LIMD1: variants seen among roughly 807,000 people sequenced by gnomAD.
LIMD1 encodes the protein LIM domain-containing protein 1.
Under a neutral mutation model 58.4 loss-of-function variants are expected in LIMD1, and 23 were observed. The observed-to-expected ratio is 0.39, with a 90% CI of 0.28 to 0.56. LIMD1 has a LOEUF of 0.56. Among genes scored for constraint, LIMD1 ranks in the 20% least tolerant of loss-of-function variants. The probability of loss-of-function intolerance (pLI) is 0.57; values close to 1 mark genes in which losing one functional copy is unlikely to be tolerated. For synonymous variants in LIMD1, 334 were observed against 345.5 expected, an observed-to-expected ratio of 0.97 and a Z score of 0.37; for missense variants, 838 against 855.5, an observed-to-expected ratio of 0.98 and a Z score of 0.25.
chr3:45,648,809 A>G (rs1701932396), intron 2 of LIMD1, among the ~76,000 whole-genome samples: 1 of 151,740 alleles, frequency 6.6e-6, no homozygotes, highest in Non-Finnish European at 1.5e-5. Flanking sequence ...TTTGATTTGC[A>G]TTTTCCTGAT....
chr3:45,646,184 C>T (rs1416418969), intron 2 of LIMD1, among the ~76,000 whole-genome samples: 1 of 152,206 alleles, frequency 6.6e-6, no homozygotes, highest in Non-Finnish European at 1.5e-5. Flanking sequence ...AGAGCGGTTG[C>T]CCAGCTGGTG....
intron 7 of LIMD1, among the ~76,000 whole-genome samples, chr3:45,675,030 T>C (rs1156857805): frequency 1.3e-5 from 2 of 152,140 alleles, no homozygotes; most frequent in Non-Finnish European, 2.9e-5. Flanking sequence ...AATTCACCCA[T>C]GGAAGGAGAT....
intron 2 of LIMD1, 24 bp downstream of exon 2, chr3:45,636,275 G>T (rs748839147): frequency 6.4e-5 from 97 of 1,522,068 alleles, no homozygotes; most frequent in African/African-American, 8.3e-5. Context: ...TGGGTGTCGG[G>T]TGTGTGGGGG....
chr3:45,629,211 A>G (rs1473929508), intron 1 of LIMD1, among the ~76,000 whole-genome samples: 1 of 152,070 alleles, frequency 6.6e-6, no homozygotes, highest in African/African-American at 2.4e-5. Flanking sequence ...CAGGAGTTCA[A>G]GACCAGCCTG....
intron 2 of LIMD1, among the ~76,000 whole-genome samples, chr3:45,658,535 CTTTTTT>C (rs10572210): frequency 0.064 from 2,843 of 44,704 alleles, 67 homozygotes; most frequent in Non-Finnish European, 0.094. Context: ...CATGCAGATT[CTTTTTT>C]TTTTTTTTTT....
At position 45,636,252 on chromosome 3, in the gene LIMD1, G is replaced by A. The variant is rs1246102921; in HGVS notation, c.1510+1G>A. On this transcript the variant is annotated splice_donor_variant, in intron 2 of 7. Coordinates refer to ENST00000273317, the MANE Select transcript of LIMD1 (RefSeq NM_014240.3). LOFTEE classifies it high-confidence loss of function. Reference sequence around the variant, plus strand: ...ACATGCTTCACCTGTGCAGCTTGCAGTAAGTGTGGGTGTGGGTGTCGGGTG... The same window carrying A: ...ACATGCTTCACCTGTGCAGCTTGCAATAAGTGTGGGTGTGGGTGTCGGGTG... 2 of 1,601,922 alleles carry A rather than the reference G, an allele frequency of 1.2e-6. No homozygotes were observed. Among genetic ancestry groups the A allele is most frequent in the African/African-American group, 1.3e-5 (1 of 74,482 alleles).
At chr3:45,620,880 A>T (rs1701623047) in intron 1 of LIMD1, among the ~76,000 whole-genome samples, 1 of 152,228 alleles carries the variant, frequency 6.6e-6, no homozygotes. Context: ...ATACCACCTT[A>T]ACTAAGTGAT....
intron 1 of LIMD1, among the ~76,000 whole-genome samples, chr3:45,621,419 A>T (rs962532921): frequency 2.6e-5 from 4 of 151,990 alleles, no homozygotes; most frequent in Non-Finnish European, 5.9e-5. Context: ...TTTTTATTTT[A>T]TGTAGAGACA....
At chr3:45,600,167 A>G (rs1217476570) in intron 1 of LIMD1, among the ~76,000 whole-genome samples, 2 of 152,184 alleles carry the variant, frequency 1.3e-5, no homozygotes, top group African/African-American at 4.8e-5. Flanking sequence ...AGAATGTTTA[A>G]TGGTGCAGGG....
intron 1 of LIMD1, among the ~76,000 whole-genome samples, chr3:45,624,710 G>A (rs1701653932): frequency 6.6e-6 from 1 of 152,036 alleles, no homozygotes; most frequent in Non-Finnish European, 1.5e-5. Context: ...GCGACAGAGC[G>A]AGACTCCGCC....
At chr3:45,610,562 G>T (rs1307677265) in intron 1 of LIMD1, among the ~76,000 whole-genome samples, 1 of 152,178 alleles carries the variant, frequency 6.6e-6, no homozygotes, top group Non-Finnish European at 1.5e-5. Flanking sequence ...AGGCATGCAT[G>T]GTGGCTTTGA....
intron 2 of LIMD1, among the ~76,000 whole-genome samples, chr3:45,645,332 C>T (rs1701889762): frequency 6.6e-6 from 1 of 152,224 alleles, no homozygotes; most frequent in African/African-American, 2.4e-5. Flanking sequence ...ACAGGGAAGA[C>T]CATCAGATTC....
chr3:45,659,688 A>G (rs774891756), intron 2 of LIMD1, among the ~76,000 whole-genome samples: 3 of 152,368 alleles, frequency 2.0e-5, no homozygotes, highest in African/African-American at 4.8e-5. Context: ...TTAAATAGCT[A>G]TGTAACATTT....
chr3:45,615,744 A>G (rs1297015802), intron 1 of LIMD1, among the ~76,000 whole-genome samples: 2 of 151,654 alleles, frequency 1.3e-5, no homozygotes, highest in Non-Finnish European at 2.9e-5. Context: ...TGGGTTGACA[A>G]CTTGTCTCAA....
chr3:45,624,595 C>T (rs1343002606), intron 1 of LIMD1, among the ~76,000 whole-genome samples: 1 of 152,048 alleles, frequency 6.6e-6, no homozygotes, highest in African/African-American at 2.4e-5. Flanking sequence ...TGGTGGCGGG[C>T]GCCTGTAGTC....
chr3:45,648,621 A>G (rs968487143), intron 2 of LIMD1, among the ~76,000 whole-genome samples: 1 of 152,228 alleles, frequency 6.6e-6, no homozygotes, highest in African/African-American at 2.4e-5. Context: ...GCTGGGTCAT[A>G]TGGTAACTGT....
chr3:45,600,491 C>G (rs1245818237), intron 1 of LIMD1, among the ~76,000 whole-genome samples: 1 of 152,148 alleles, frequency 6.6e-6, no homozygotes, highest in Non-Finnish European at 1.5e-5. Flanking sequence ...GTCTCTTTCC[C>G]TACTCTGCTG....
chr3:45,669,841 G>A (rs192305444), intron 4 of LIMD1, among the ~76,000 whole-genome samples: 11 of 152,290 alleles, frequency 7.2e-5, no homozygotes, highest in African/African-American at 2.6e-4. Context: ...GTGGTTTCTA[G>A]TTTTTTGCTA....
At chr3:45,606,186 G>T (rs774129499) in intron 1 of LIMD1, among the ~76,000 whole-genome samples, 1 of 152,202 alleles carries the variant, frequency 6.6e-6, no homozygotes, top group Non-Finnish European at 1.5e-5. Context: ...CCATTTCACA[G>T]ATGGAGAAAC....
Sources: gnomAD v4.1 joint callset for allele counts (sites outside exome capture counted in the v4.1 genomes callset) on GRCh38, gnomAD v4.1.1 for gene constraint, MANE v1.5 for transcripts, NCBI Gene and HGNC (gene_info 2026-07-23, HGNC 2026-07-21) for gene names.